PRELID2: variants seen among roughly 807,000 people sequenced by gnomAD.
PRELID2 encodes the protein PRELI domain-containing protein 2.
A neutral mutation model predicts 28.4 loss-of-function variants in PRELID2; 25 were observed. The ratio of observed to expected loss-of-function variants is 0.88; its 90% CI spans 0.64 to 1.23. The LOEUF is 1.23. Ranked by LOEUF, PRELID2 falls within the 50% of genes most tolerant of loss-of-function variation. The pLI is 0.00. For synonymous variants in PRELID2, 76 were observed against 71.6 expected, an observed-to-expected ratio of 1.06 and a Z score of -0.31; for missense variants, 201 against 214.4, an observed-to-expected ratio of 0.94 and a Z score of 0.39.
At chr5:145,347,094 C>A in the PRELID2 span, among the ~76,000 whole-genome samples, 1 of 152,112 alleles carries the variant, frequency 6.6e-6, no homozygotes, top group Non-Finnish European at 1.5e-5. Context: ...TCTTAAACAG[C>A]AGATCTCCCT....
the PRELID2 span, among the ~76,000 whole-genome samples, chr5:145,380,369 C>G: frequency 2.0e-5 from 3 of 152,184 alleles, no homozygotes; most frequent in African/African-American, 7.2e-5. Flanking sequence ...CTCTGAAGAT[C>G]TGTTAGGAGC....
At position 145,796,437 on chromosome 5, in the gene PRELID2, G is replaced by GT; in HGVS notation, c.474+4dup. 1 of 1,592,922 alleles carries GT rather than the reference G, an allele frequency of 6.3e-7. No individual in the cohort carries two copies. The highest frequency in any genetic ancestry group is 1.3e-5 in the African/African-American group (1 of 74,402). On this transcript the variant is annotated splice_donor_region_variant and intron_variant, in intron 5 of 6. Transcript: ENST00000683046. Reference sequence around the variant, plus strand: ...AATGTTGGTTCAAAGCAGAAATATGGTTACCTTCTGGGCTCCCTGTCGTAA... The same window carrying GT: ...AATGTTGGTTCAAAGCAGAAATATGGTTTACCTTCTGGGCTCCCTGTCGTAA...
the PRELID2 span, chr5:145,229,213 C>A: frequency 1.2e-6 from 1 of 809,530 alleles, no homozygotes; most frequent in Non-Finnish European, 2.2e-6. Flanking sequence ...ATCTGCTACT[C>A]GCTGGCCCCC....
Position 145,567,818 on chromosome 5 carries a change from C to T in PRELID2, n.71-94503G>A, listed in dbSNP as rs565182580. Among the ~76,000 whole-genome samples the T allele has an allele frequency of 2.5e-4, 38 of 152,218 alleles. 1 individual carries two copies. In the South Asian group the frequency reaches 5.4e-3, roughly 22 times the overall value. On this transcript the variant is annotated intron_variant and non_coding_transcript_variant, in intron 1 of 2. Transcript: ENST00000510259. ...AGGCCTCCCCAGCCATGTGGAACTGCGAGTCGATTAAACTTCTTTCCTTTC... is the reference window on the plus strand; with the variant it reads ...AGGCCTCCCCAGCCATGTGGAACTGTGAGTCGATTAAACTTCTTTCCTTTC...
chr5:145,389,168 T>C, the PRELID2 span, among the ~76,000 whole-genome samples: 1 of 152,164 alleles, frequency 6.6e-6, no homozygotes, highest in Non-Finnish European at 1.5e-5. Flanking sequence ...AGAACCATGC[T>C]ACATATTCTG....
At chr5:145,357,401 A>G in the PRELID2 span, among the ~76,000 whole-genome samples, 3 of 152,146 alleles carry the variant, frequency 2.0e-5, no homozygotes, top group Non-Finnish European at 2.9e-5. Flanking sequence ...GTTTCTTTAC[A>G]TAATCCCATA....
At chr5:145,680,268 GA>G (rs769113412) in intron 1 of PRELID2, among the ~76,000 whole-genome samples, 4 of 152,208 alleles carry the variant, frequency 2.6e-5, no homozygotes, top group Non-Finnish European at 4.4e-5. Context: ...TGATTTATGT[GA>G]AAAGTCTATG....
At chr5:145,779,423 G>A (rs1581185931) in intron 5 of PRELID2, among the ~76,000 whole-genome samples, 1 of 151,948 alleles carries the variant, frequency 6.6e-6, no homozygotes, top group South Asian at 2.1e-4. Flanking sequence ...TAACCTGAAT[G>A]TTCAATACTA....
chr5:145,654,625 T>A (rs567763167), intron 1 of PRELID2, among the ~76,000 whole-genome samples: 2 of 152,288 alleles, frequency 1.3e-5, no homozygotes, highest in East Asian at 1.9e-4. Flanking sequence ...ATCCAGCATA[T>A]AAGCAGAAAC....
the PRELID2 span, among the ~76,000 whole-genome samples, chr5:145,388,978 A>G: frequency 6.6e-6 from 1 of 152,138 alleles, no homozygotes; most frequent in African/African-American, 2.4e-5. Context: ...ATGATGTACC[A>G]TAAGCACAAT....
rs1752279445 is a variant in PRELID2, at chr5:145,492,744, T to C, written n.71-19429A>G. 1.4e-5 allele frequency among the ~76,000 whole-genome samples: 2 copies of C among 141,332 alleles called. 1 individual carries two copies. Among genetic ancestry groups the C allele is most frequent in the Non-Finnish European group, 3.2e-5 (2 of 62,762 alleles). 92.7% of individuals were successfully genotyped at this position (141,332 alleles called of 152,430 possible). On this transcript the variant is annotated intron_variant and non_coding_transcript_variant, in intron 1 of 2. Coordinates refer to the PRELID2 transcript ENST00000510259. ...GTCTGGGCTGCTGGAGGGCTGCCTA[T>C]AGCTAAGGGCTGTCCAGAATCTAGG...
the PRELID2 span, among the ~76,000 whole-genome samples, chr5:145,329,929 C>T: frequency 3.3e-5 from 5 of 152,078 alleles, no homozygotes; most frequent in Admixed American, 6.6e-5. Context: ...TCATAAATAG[C>T]GCTTATTATT....
At chr5:145,275,814 T>C in the PRELID2 span, among the ~76,000 whole-genome samples, 4 of 152,178 alleles carry the variant, frequency 2.6e-5, no homozygotes, top group African/African-American at 9.6e-5. Context: ...TAGTTAATCC[T>C]GCCTCTACCA....
At chr5:145,790,721 G>GTGTGTGTGTATATATA (rs772901344) in intron 5 of PRELID2, among the ~76,000 whole-genome samples, 88 of 110,902 alleles carry the variant, frequency 7.9e-4, no homozygotes, top group Admixed American at 1.3e-3. Flanking sequence ...GTGTGTGTGT[G>GTGTGTGTGTATATATA]TATATATATA....
chr5:145,255,413 G>A, the PRELID2 span, among the ~76,000 whole-genome samples: 1 of 151,858 alleles, frequency 6.6e-6, no homozygotes, highest in Non-Finnish European at 1.5e-5. Context: ...CATATCAAGT[G>A]GAAATACTGA....
intron 1 of PRELID2, among the ~76,000 whole-genome samples, chr5:145,588,431 C>G (rs1323380810): frequency 1.3e-5 from 2 of 152,090 alleles, no homozygotes; most frequent in African/African-American, 4.8e-5. Context: ...TGTAATCAAT[C>G]TGACTGCTTT....
At chr5:145,572,889 G>A (rs1373300129) in intron 1 of PRELID2, among the ~76,000 whole-genome samples, 1 of 152,112 alleles carries the variant, frequency 6.6e-6, no homozygotes, top group Admixed American at 6.6e-5. Flanking sequence ...TCAAACTCTT[G>A]TGGGGTATAC....
the PRELID2 span, among the ~76,000 whole-genome samples, chr5:145,412,168 G>T: frequency 6.6e-6 from 1 of 152,102 alleles, no homozygotes; most frequent in Non-Finnish European, 1.5e-5. Flanking sequence ...TCCTCATTAC[G>T]TCCGCAACTT....
At chr5:145,359,295 A>G in the PRELID2 span, among the ~76,000 whole-genome samples, 1 of 152,136 alleles carries the variant, frequency 6.6e-6, no homozygotes, top group Non-Finnish European at 1.5e-5. Flanking sequence ...CAGAATACCT[A>G]GTGCTATGCA....
Sources: gnomAD v4.1 joint callset for allele counts (sites outside exome capture counted in the v4.1 genomes callset) on GRCh38, gnomAD v4.1.1 for gene constraint, MANE v1.5 for transcripts, NCBI Gene and HGNC (gene_info 2026-07-23, HGNC 2026-07-21) for gene names.